Variants in SGCD observed in about 807,000 individuals in gnomAD.
SGCD encodes the protein delta-sarcoglycan.
A neutral mutation model predicts 36.6 loss-of-function variants in SGCD; 18 were observed. The ratio of observed to expected loss-of-function variants is 0.49; its 90% CI spans 0.34 to 0.73. SGCD has a LOEUF of 0.73. SGCD is among the 30% of genes least tolerant of loss of function. The pLI is 0.01. For missense variants in SGCD, 387 were observed against 346.7 expected (o/e 1.12, Z -0.92); for synonymous variants, 133 against 130.6 (o/e 1.02, Z -0.12).
At position 156,110,621 on chromosome 5, in the gene SGCD, C is replaced by T. The variant is rs746233598; in HGVS notation, c.-281-7257C>T. Among the ~76,000 whole-genome samples, 46 of 151,932 alleles carry T rather than the reference C, an allele frequency of 3.0e-4. No individual in the cohort carries two copies. In the Middle Eastern group the frequency reaches 0.01, roughly 34 times the overall value. ...TGAAGCAATTTTTTATTCCCTATTT[C>T]CTCTCAGAAATGAGCTTTTTCATGT... On this transcript the variant is annotated intron_variant, in intron 1 of 9. Coordinates refer to the SGCD transcript ENST00000517913.
Position 156,129,830 on chromosome 5 carries a change from T to C in SGCD, c.-44+5811T>C, listed in dbSNP as rs146228435. 1.9e-3 allele frequency among the ~76,000 whole-genome samples: 282 copies of C among 152,352 alleles called. 2 individuals carry two copies. The highest frequency in any genetic ancestry group is 6.4e-3 in the African/African-American group (265 of 41,584). ...ACATTAAACATGATGTTGTTCTTTTTTATGGCTGCATAGGATTCCATGGTG... is the reference window on the plus strand; with the variant it reads ...ACATTAAACATGATGTTGTTCTTTTCTATGGCTGCATAGGATTCCATGGTG... On this transcript the variant is annotated intron_variant, in intron 3 of 9. Coordinates refer to the SGCD transcript ENST00000517913.
chr5:156,353,617 T>C (rs1769359956), intron 3 of SGCD, among the ~76,000 whole-genome samples: 1 of 152,234 alleles, frequency 6.6e-6, no homozygotes, highest in Non-Finnish European at 1.5e-5. Flanking sequence ...TCCGCTTCAA[T>C]GCGGGTGCCA....
intron 1 of SGCD, among the ~76,000 whole-genome samples, chr5:156,103,574 C>T (rs1435556136): frequency 2.0e-5 from 3 of 151,948 alleles, no homozygotes; most frequent in Non-Finnish European, 2.9e-5. Context: ...ACCAATAGAC[C>T]GATATCCCTT....
intron 2 of SGCD, among the ~76,000 whole-genome samples, chr5:156,120,585 A>C (rs1381040156): frequency 6.6e-6 from 1 of 152,308 alleles, no homozygotes; most frequent in South Asian, 2.1e-4. Flanking sequence ...TTGCTTTGTA[A>C]ATGTGCTTTG....
chr5:156,217,628 A>G (rs559691808), intron 3 of SGCD, among the ~76,000 whole-genome samples: 1 of 152,280 alleles, frequency 6.6e-6, no homozygotes, highest in South Asian at 2.1e-4. Context: ...AAATGCTGAG[A>G]ATGCTTTAAC....
intron 3 of SGCD, among the ~76,000 whole-genome samples, chr5:156,357,242 G>T (rs540330948): frequency 2.0e-5 from 3 of 152,280 alleles, no homozygotes; most frequent in Non-Finnish European, 2.9e-5. Flanking sequence ...CCCTGTGAAT[G>T]GGGACTATTA....
At chr5:156,605,519 G>A (rs186867481) in intron 6 of SGCD, among the ~76,000 whole-genome samples, 1 of 152,320 alleles carries the variant, frequency 6.6e-6, no homozygotes, top group Non-Finnish European at 1.5e-5. Flanking sequence ...ACGTCTGCAT[G>A]TGTCTTTATA....
intron 1 of SGCD, among the ~76,000 whole-genome samples, chr5:155,886,765 C>A (rs1756012338): frequency 6.6e-6 from 1 of 152,210 alleles, no homozygotes; most frequent in Non-Finnish European, 1.5e-5. Context: ...AGCTGAGATG[C>A]TCAACTTCCC....
At chr5:156,708,608 GGAATA>G (rs1754843942) in intron 7 of SGCD, among the ~76,000 whole-genome samples, 1 of 152,148 alleles carries the variant, frequency 6.6e-6, no homozygotes, top group African/African-American at 2.4e-5. Flanking sequence ...GATGTATTGA[GGAATA>G]GATGCTAAAT....
intron 1 of SGCD, among the ~76,000 whole-genome samples, chr5:156,065,146 C>T (rs1427248048): frequency 1.1e-3 from 5 of 4,624 alleles, no homozygotes; most frequent in Non-Finnish European, 1.2e-3. Flanking sequence ...TCTTTGTTCT[C>T]GTTGGTTTCA....
At chr5:156,201,700 G>A (rs1487380545) in intron 3 of SGCD, among the ~76,000 whole-genome samples, 1 of 150,474 alleles carries the variant, frequency 6.6e-6, no homozygotes, top group Non-Finnish European at 1.5e-5. Flanking sequence ...GGAGGGAAGA[G>A]GACAAGCCCA....
intron 3 of SGCD, among the ~76,000 whole-genome samples, chr5:156,146,853 G>A (rs992458986): frequency 1.4e-4 from 22 of 152,126 alleles, no homozygotes; most frequent in Non-Finnish European, 2.5e-4. Context: ...TAACTTATTA[G>A]TTTATTATTT....
intron 1 of SGCD, among the ~76,000 whole-genome samples, chr5:155,893,790 GT>G (rs1756187846): frequency 1.3e-5 from 2 of 152,212 alleles, no homozygotes. Context: ...TTTCGTTGTT[GT>G]GCTAACATAA....
chr5:156,737,143 C>A (rs774513362), intron 7 of SGCD, among the ~76,000 whole-genome samples: 9 of 152,188 alleles, frequency 5.9e-5, no homozygotes, highest in Non-Finnish European at 1.2e-4. Context: ...CACCCAGAGT[C>A]TCTTGACACA....
chr5:156,564,832 A>AT (rs566981121), intron 4 of SGCD, among the ~76,000 whole-genome samples: 28 of 152,156 alleles, frequency 1.8e-4, no homozygotes, highest in African/African-American at 6.7e-4. Context: ...TAATTTCCTT[A>AT]TTTTTTTAAG....
In SGCD at chr5:156,757,637, A is replaced by G. The variant is rs794727901; in HGVS notation, c.632A>G (p.Asn211Ser). The change falls in exon 8 of 9, where the codon AAT becomes AGT. Residue 211 changes from asparagine to serine, a missense_variant. Asn to Ser is a conservative substitution (Grantham distance 46). Transcript: ENST00000337851. ...GAGGCCCCAAAAGGAGTGGAAATCAATGCAGAAGCTGGCAATATGGAAGCC... is the reference window on the plus strand; with the variant it reads ...GAGGCCCCAAAAGGAGTGGAAATCAGTGCAGAAGCTGGCAATATGGAAGCC... ...VMEAPKGVEI[N>S]AEAGNMEATC... is the part of the protein sequence containing the mutation. 3.7e-6 allele frequency: 6 copies of G among 1,611,332 alleles called. No homozygotes were observed. Among genetic ancestry groups the G allele is most frequent in the Non-Finnish European group, 4.2e-6 (5 of 1,178,882 alleles).
intron 1 of SGCD, among the ~76,000 whole-genome samples, chr5:156,048,212 C>T (rs1038435350): frequency 4.6e-5 from 7 of 152,128 alleles, no homozygotes; most frequent in African/African-American, 1.7e-4. Flanking sequence ...TTTCTTAATC[C>T]AGTCTATCAT....
At chr5:156,497,214 T>C (rs148617767) in intron 3 of SGCD, among the ~76,000 whole-genome samples, 219 of 150,604 alleles carry the variant, frequency 1.5e-3, no homozygotes, top group Middle Eastern at 0.01. Flanking sequence ...TCTGCGTGTG[T>C]TCTTCTGTTA....
At position 156,728,516 on chromosome 5, in the gene SGCD, A is replaced by AAAG. The variant is rs1302476785; in HGVS notation, c.576-29063_576-29062insGAA. On this transcript the variant is annotated intron_variant, in intron 7 of 8. Coordinates refer to ENST00000337851, the MANE Select transcript of SGCD (RefSeq NM_000337.6). ...ACAGAGCGAGACTCTGTCAAAAAAA[A>AAAG]AAAAAAAAAAAAAAAAAAAAGGTAG... Among the ~76,000 whole-genome samples the AAAG allele has an allele frequency of 2.7e-5, 4 of 146,308 alleles. 1 individual carries two copies. The highest frequency in any genetic ancestry group is 1.1e-4 in the African/African-American group (4 of 37,850).
Sources: gnomAD v4.1 joint callset for allele counts (sites outside exome capture counted in the v4.1 genomes callset) on GRCh38, gnomAD v4.1.1 for gene constraint, MANE v1.5 for transcripts, NCBI Gene and HGNC (gene_info 2026-07-23, HGNC 2026-07-21) for gene names.